The following NRXN1 variants were observed in gnomAD, a reference collection of about 807,000 sequenced individuals.
NRXN1 encodes the protein neurexin-1.
Under a neutral mutation model 150.9 loss-of-function variants are expected in NRXN1, and 39 were observed. The ratio of observed to expected loss-of-function variants is 0.26; its 90% confidence interval spans 0.20 to 0.34. NRXN1 has a LOEUF of 0.34. Ranked by LOEUF, NRXN1 falls within the 10% of genes least tolerant of loss-of-function variation. NRXN1 has a pLI of 1.00. For missense variants in NRXN1, 1,815 were observed against 1,949.9 expected, an observed-to-expected ratio of 0.93 and a Z score of 1.30; for synonymous variants, 924 against 757.0, an observed-to-expected ratio of 1.22 and a Z score of -3.62.
chr2:50,414,376 A>C (rs1272112912), intron 17 of NRXN1, among the ~76,000 whole-genome samples: 1 of 148,266 alleles, frequency 6.7e-6, no homozygotes, highest in Non-Finnish European at 1.5e-5. Flanking sequence ...AAATTATAAA[A>C]ACATACCTTT....
At chr2:50,860,128 A>T (rs1324060352) in intron 5 of NRXN1, among the ~76,000 whole-genome samples, 1 of 151,166 alleles carries the variant, frequency 6.6e-6, no homozygotes, top group East Asian at 1.9e-4. Context: ...AGAATACAAG[A>T]AGATCATAAC....
Position 50,628,847 on chromosome 2 carries a change from C to A in NRXN1, c.833-5232G>T, listed in dbSNP as rs528365468. On this transcript the variant is annotated intron_variant, in intron 5 of 22. Transcript: ENST00000401669. ...AACAACAAAAAACAAAAACGCAACA[C>A]AAGCCAATGGGAAAAAAATGATAAA... Among the ~76,000 whole-genome samples, 43 of 151,564 alleles carry A rather than the reference C, an allele frequency of 2.8e-4. No individual in the cohort carries two copies. In the South Asian group the frequency reaches 8.3e-3, roughly 29 times the overall value.
intron 17 of NRXN1, among the ~76,000 whole-genome samples, chr2:50,298,859 T>C (rs149502009): frequency 6.6e-6 from 1 of 152,308 alleles, no homozygotes; most frequent in East Asian, 1.9e-4. Flanking sequence ...GGTGTCTCTG[T>C]TGCTAACCTC....
At chr2:50,859,209 C>G (rs1204241948) in intron 5 of NRXN1, among the ~76,000 whole-genome samples, 1 of 151,838 alleles carries the variant, frequency 6.6e-6, no homozygotes, top group Non-Finnish European at 1.5e-5. Flanking sequence ...CCAGGAAAGC[C>G]AGGTCTCAGC....
chr2:50,700,498 C>A (rs1459123689), intron 5 of NRXN1, among the ~76,000 whole-genome samples: 8 of 152,128 alleles, frequency 5.3e-5, no homozygotes, highest in East Asian at 3.9e-4. Flanking sequence ...TCCTAGGCAT[C>A]CAAAATTTAA....
intron 5 of NRXN1, among the ~76,000 whole-genome samples, chr2:50,907,169 G>GA (rs1187156735): frequency 6.9e-6 from 1 of 145,178 alleles, no homozygotes; most frequent in Non-Finnish European, 1.5e-5. Flanking sequence ...AGAAGAATCT[G>GA]AAAAAAACCA....
At chr2:50,978,825 G>A (rs181503640) in intron 2 of NRXN1, among the ~76,000 whole-genome samples, 117 of 152,034 alleles carry the variant, frequency 7.7e-4, no homozygotes, top group African/African-American at 2.5e-3. Context: ...TTTCATCCCC[G>A]GATGCTTCCT....
At chr2:50,809,129 AATGAGGATCT>A (rs1316090316) in intron 5 of NRXN1, among the ~76,000 whole-genome samples, 2 of 152,078 alleles carry the variant, frequency 1.3e-5, no homozygotes, top group Non-Finnish European at 2.9e-5. Flanking sequence ...CTTCATGGAA[AATGAGGATCT>A]ATTTACAGTT....
At chr2:50,778,505 T>A (rs1703945345) in intron 5 of NRXN1, among the ~76,000 whole-genome samples, 1 of 152,092 alleles carries the variant, frequency 6.6e-6, no homozygotes. Context: ...TAATTCCAGG[T>A]AGAACCTTGG....
intron 2 of NRXN1, among the ~76,000 whole-genome samples, chr2:50,938,390 T>C (rs887610424): frequency 7.2e-5 from 11 of 152,222 alleles, no homozygotes; most frequent in African/African-American, 2.4e-4. Context: ...CCTGACTTCA[T>C]TGTCAATATC....
chr2:50,484,188 C>T (rs1456960474), intron 15 of NRXN1, among the ~76,000 whole-genome samples: 1 of 152,134 alleles, frequency 6.6e-6, no homozygotes, highest in African/African-American at 2.4e-5. Context: ...ACAGACATTG[C>T]CAAAGAGCTT....
intron 17 of NRXN1, among the ~76,000 whole-genome samples, chr2:50,426,521 T>G (rs1390965798): frequency 6.6e-6 from 1 of 152,216 alleles, no homozygotes; most frequent in Non-Finnish European, 1.5e-5. Context: ...TTTTCTACAT[T>G]CACACCTCCC....
At chr2:50,944,287 T>G (rs1689965181) in intron 2 of NRXN1, among the ~76,000 whole-genome samples, 1 of 152,154 alleles carries the variant, frequency 6.6e-6, no homozygotes, top group African/African-American at 2.4e-5. Context: ...ATAACTCTCC[T>G]GGTGAAGAAA....
intron 17 of NRXN1, among the ~76,000 whole-genome samples, chr2:50,256,260 C>G (rs1358666911): frequency 6.6e-6 from 1 of 152,140 alleles, no homozygotes; most frequent in Non-Finnish European, 1.5e-5. Flanking sequence ...AATGATGCTA[C>G]TAGGTTCACA....
chr2:50,504,699 A>G (rs925754477), intron 13 of NRXN1, among the ~76,000 whole-genome samples: 10 of 152,152 alleles, frequency 6.6e-5, no homozygotes, highest in African/African-American at 2.2e-4. Context: ...CGCTCAAAAC[A>G]TATTTTCTCC....
chr2:50,471,639 C>A (rs994848183), intron 16 of NRXN1, among the ~76,000 whole-genome samples: 4 of 151,762 alleles, frequency 2.6e-5, no homozygotes, highest in Non-Finnish European at 5.9e-5. Flanking sequence ...AACAGAAAAC[C>A]AAATACTGCC....
chr2:50,278,246 A>G (rs1288587177), intron 17 of NRXN1, among the ~76,000 whole-genome samples: 2 of 120,818 alleles, frequency 1.7e-5, no homozygotes, highest in African/African-American at 6.5e-5. Context: ...TATATAATAT[A>G]TATATATATT....
intron 5 of NRXN1, among the ~76,000 whole-genome samples, chr2:50,902,797 T>C (rs1397612806): frequency 6.6e-6 from 1 of 152,102 alleles, no homozygotes; most frequent in Non-Finnish European, 1.5e-5. Context: ...CAAATGTCAT[T>C]GTCCCTTTAT....
chr2:49,964,769 A>C (rs1290720277), intron 21 of NRXN1, among the ~76,000 whole-genome samples: 2 of 152,264 alleles, frequency 1.3e-5, no homozygotes, highest in Middle Eastern at 3.4e-3. Context: ...TGAACCCAGG[A>C]GGTGGAGGTT....
Sources: allele counts gnomAD v4.1 joint callset (sites outside exome capture counted in the v4.1 genomes callset), GRCh38; gene constraint gnomAD v4.1.1; transcripts MANE v1.5; gene names NCBI Gene and HGNC (gene_info 2026-07-23, HGNC 2026-07-21).